USP6NL: variants seen among roughly 807,000 people sequenced by gnomAD.
The protein encoded by USP6NL is USP6 N-terminal like.
USP6NL carries 26 observed loss-of-function variants against 61.9 expected under a neutral mutation model. The ratio of observed to expected loss-of-function variants is 0.42; its 90% CI spans 0.31 to 0.58. USP6NL has a LOEUF of 0.58. Ranked by LOEUF, USP6NL falls within the 20% of genes least tolerant of loss-of-function variation. The pLI is 0.16. For synonymous variants in USP6NL, 432 were observed against 390.1 expected (o/e 1.11, Z -1.27); for missense variants, 1,114 against 1,034.3 (o/e 1.08, Z -1.06).
rs1046852389 is a variant in USP6NL, at chr10:11,585,026, T to G, written c.4+12605A>C. Among the ~76,000 whole-genome samples, 4 of 152,202 alleles carry G rather than the reference T, an allele frequency of 2.6e-5. No homozygotes were observed. Among genetic ancestry groups the G allele is most frequent in the Admixed American group, 2.6e-4 (4 of 15,278 alleles). Reference sequence around the variant, plus strand: ...TGCTTCATAATAAATTTTTGGAAGGTGCAAAAGGAGCATTCAAAGTTAAAA... The same window carrying G: ...TGCTTCATAATAAATTTTTGGAAGGGGCAAAAGGAGCATTCAAAGTTAAAA... On this transcript the variant is annotated intron_variant, in intron 2 of 14. Coordinates refer to ENST00000609104, the MANE Select transcript of USP6NL (RefSeq NM_014688.5). This position sits in a 1 kb window ranked among gnomAD's most constrained non-coding sequence, Gnocchi z 4.5.
In USP6NL at chr10:11,520,010, A is replaced by G. The variant is rs1835141858; in HGVS notation, c.156-1436T>C. 1.3e-5 allele frequency among the ~76,000 whole-genome samples: 2 copies of G among 152,204 alleles called. No individual in the cohort carries two copies. Among genetic ancestry groups the G allele is most frequent in the African/African-American group, 2.4e-5 (1 of 41,438 alleles). On this transcript the variant is annotated intron_variant, in intron 4 of 14. Transcript: ENST00000609104. This position sits in a 1 kb window ranked among gnomAD's most constrained non-coding sequence, Gnocchi z 5.2. ...TCTACTCTGAGGAGTCCTTAGGTGA[A>G]CAATTACTACAGCCACAAAACTAAC...
chr10:11,559,004 A>G lies in USP6NL; in HGVS notation c.5-31437T>C, dbSNP rs561376137. On this transcript the variant is annotated intron_variant, in intron 2 of 14. Transcript: ENST00000609104. ...AAAAGCAATATAAGCCACTAAGTCG[A>G]GTTTGGTTACAGACTTCTATAGTCA... 5.3e-5 allele frequency among the ~76,000 whole-genome samples: 8 copies of G among 152,326 alleles called. No homozygotes were observed. In the South Asian group the frequency reaches 1.7e-3, roughly 32 times the overall value.
chr10:11,525,127 T>G lies in USP6NL; in HGVS notation c.155+259A>C, dbSNP rs1252809406. ...CAAATTATCCATTTGCATTTAACTC[T>G]GTTGATTTATTAATATAACTCACCT... On this transcript the variant is annotated intron_variant, in intron 4 of 14. Transcript: ENST00000609104. The surrounding 1 kb of genome is among the most constrained non-coding windows in gnomAD (Gnocchi z 5.0). Among the ~76,000 whole-genome samples, 1 of 152,250 alleles carries G rather than the reference T, an allele frequency of 6.6e-6. No homozygotes were observed. Among genetic ancestry groups the G allele is most frequent in the Non-Finnish European group, 1.5e-5 (1 of 68,030 alleles).
intron 14 of USP6NL, among the ~76,000 whole-genome samples, chr10:11,466,627 C>CTA (rs770400456): frequency 4.2e-4 from 64 of 152,198 alleles, no homozygotes; most frequent in Non-Finnish European, 7.8e-4. Flanking sequence ...TGCTATTACT[C>CTA]TATACAGTCA....
intron 2 of USP6NL, among the ~76,000 whole-genome samples, chr10:11,566,733 G>C (rs1041070996): frequency 2.1e-4 from 32 of 152,204 alleles, no homozygotes; most frequent in African/African-American, 7.0e-4. Context: ...ACCACATGTG[G>C]CTACTGGCTA....
chr10:11,491,701 C>T lies in USP6NL; in HGVS notation c.495-821G>A, dbSNP rs755156027. On this transcript the variant is annotated intron_variant, in intron 8 of 14. Coordinates refer to ENST00000609104, the MANE Select transcript of USP6NL (RefSeq NM_014688.5). This position sits in a 1 kb window ranked among gnomAD's most constrained non-coding sequence, Gnocchi z 4.7. ...ATGCAGGAGAACACTTGGGGCATCT[C>T]TTACTAGTATCACTGAGCCCTGTGA... 6.6e-6 allele frequency among the ~76,000 whole-genome samples: 1 copy of T among 152,198 alleles called. No homozygotes were observed. Among genetic ancestry groups the T allele is most frequent in the Non-Finnish European group, 1.5e-5 (1 of 68,034 alleles).
chr10:11,519,739 A>G (rs906548605), intron 4 of USP6NL, among the ~76,000 whole-genome samples: 1 of 152,232 alleles, frequency 6.6e-6, no homozygotes, highest in Non-Finnish European at 1.5e-5. Context: ...CTGACACAGT[A>G]TATTTGTGAT....
rs370031118 is a variant in USP6NL at position 11,571,160 on chromosome 10, C to G, written c.4+26471G>C. On this transcript the variant is annotated intron_variant, in intron 2 of 14. Transcript: ENST00000609104. ...GTGCAATGGCGCAATCTCAGCTCACCGCAACCTCTGCCTCCCGGGTTCAAG... is the reference window on the plus strand; with the variant it reads ...GTGCAATGGCGCAATCTCAGCTCACGGCAACCTCTGCCTCCCGGGTTCAAG... Among the ~76,000 whole-genome samples, 33 of 151,902 alleles carry G rather than the reference C, an allele frequency of 2.2e-4. 1 individual carries two copies. In the East Asian group the frequency reaches 5.8e-3, roughly 27 times the overall value.
In USP6NL at chr10:11,595,860, A is replaced by T. The variant is rs1838310940; in HGVS notation, c.4+1771T>A. Reference sequence around the variant, plus strand: ...TAACAGAACCAATTGTTTTAAGTGGACATGAAAAAGAATTAGTGGATTAGT... The same window carrying T: ...TAACAGAACCAATTGTTTTAAGTGGTCATGAAAAAGAATTAGTGGATTAGT... On this transcript the variant is annotated intron_variant, in intron 2 of 14. Coordinates refer to ENST00000609104, the MANE Select transcript of USP6NL (RefSeq NM_014688.5). This position sits in a 1 kb window ranked among gnomAD's most constrained non-coding sequence, Gnocchi z 5.3. Among the ~76,000 whole-genome samples, 2 of 152,244 alleles carry T rather than the reference A, an allele frequency of 1.3e-5. No homozygotes were observed. The highest frequency in any genetic ancestry group is 2.9e-5 in the Non-Finnish European group (2 of 68,046).
chr10:11,594,750 T>C (rs143063106), intron 2 of USP6NL, among the ~76,000 whole-genome samples: 4 of 152,170 alleles, frequency 2.6e-5, no homozygotes, highest in Non-Finnish European at 5.9e-5. Flanking sequence ...AAACACAGAA[T>C]AGCTCCTGCA....
At chr10:11,526,854 T>C (rs961778521) in intron 3 of USP6NL, among the ~76,000 whole-genome samples, 4 of 152,288 alleles carry the variant, frequency 2.6e-5, no homozygotes, top group Admixed American at 2.0e-4. Flanking sequence ...ACAGATTCCA[T>C]ACCAACATAA....
At position 11,463,761 on chromosome 10, in the gene USP6NL, C is replaced by T; in HGVS notation, c.1167G>A (p.Gln389=). 6.4e-7 allele frequency: 1 copy of T among 1,565,904 alleles called. No individual in the cohort carries two copies. Among genetic ancestry groups the T allele is most frequent in the Non-Finnish European group, 8.7e-7 (1 of 1,155,742 alleles). The change falls in exon 15 of 15, where the codon CAG becomes CAA. Residue 389 remains glutamine, a synonymous_variant. Coordinates refer to ENST00000609104, the MANE Select transcript of USP6NL (RefSeq NM_014688.5). The surrounding 1 kb of genome is among the most constrained non-coding windows in gnomAD (Gnocchi z 6.3). Reference sequence around the variant, plus strand: ...GCGGGCTCGGCCGGCCCACGCTCCTCTGTCCGTTGCTCAAGTGATGGACGC... The same window carrying T: ...GCGGGCTCGGCCGGCCCACGCTCCTTTGTCCGTTGCTCAAGTGATGGACGC... ...SWGVHHLSNG[Q]RSVGRPSPLA...
intron 1 of USP6NL, among the ~76,000 whole-genome samples, chr10:11,606,158 A>C (rs1480025418): frequency 6.6e-6 from 1 of 152,210 alleles, no homozygotes; most frequent in Non-Finnish European, 1.5e-5. Flanking sequence ...ATTAGCAACA[A>C]AGAAGGAATA....
rs1297464615 is a variant in USP6NL, at chr10:11,611,492, G to C, written c.-133C>G. Reference sequence around the variant, plus strand: ...CTGTGGGCAGCGGACAGAGCTGGCGGTCCCGGGCGGCCGAGCAGATCCGGC... The same window carrying C: ...CTGTGGGCAGCGGACAGAGCTGGCGCTCCCGGGCGGCCGAGCAGATCCGGC... On this transcript the variant is annotated 5_prime_UTR_variant, in exon 1 of 15. Transcript: ENST00000609104. This position sits in a 1 kb window ranked among gnomAD's most constrained non-coding sequence, Gnocchi z 5.3. 1.3e-5 allele frequency: 2 copies of C among 159,936 alleles called. No homozygotes were observed. Among genetic ancestry groups the C allele is most frequent in the African/African-American group, 4.8e-5 (2 of 41,444 alleles). The allele number at this position is 159,936 out of a possible 1,614,324, so 9.9% of individuals were successfully genotyped here. A position where few individuals can be genotyped will look rare whatever the true frequency, so the allele number is the denominator to read the frequency against.
rs1182070964 is a variant in USP6NL at position 11,511,018 on chromosome 10, A to G, written c.196-1343T>C. ...TCAAACAGGCAGACATTATGCTGGC[A>G]GATGGCATATATGCCTCACCACCAC... On this transcript the variant is annotated intron_variant, in intron 5 of 14. Transcript: ENST00000609104. The surrounding 1 kb of genome is among the most constrained non-coding windows in gnomAD (Gnocchi z 4.9). Among the ~76,000 whole-genome samples the G allele has an allele frequency of 6.6e-6, 1 of 152,254 alleles. No individual in the cohort carries two copies. Among genetic ancestry groups the G allele is most frequent in the East Asian group, 1.9e-4 (1 of 5,200 alleles).
chr10:11,550,702 A>G (rs1349437669), intron 2 of USP6NL, among the ~76,000 whole-genome samples: 1 of 152,180 alleles, frequency 6.6e-6, no homozygotes, highest in African/African-American at 2.4e-5. Context: ...GGCTGCAGTG[A>G]GCTGAGATCG....
Position 11,485,436 on chromosome 10 carries a change from G to C in USP6NL, c.760-202C>G, listed in dbSNP as rs1016440987. 1.3e-5 allele frequency among the ~76,000 whole-genome samples: 2 copies of C among 152,030 alleles called. No homozygotes were observed. Among genetic ancestry groups the C allele is most frequent in the Non-Finnish European group, 2.9e-5 (2 of 67,970 alleles). ...ATATATTTTACAGTGAGCTTTCTTT[G>C]TTTTACTAAACTACTGTGTTTTATA... On this transcript the variant is annotated intron_variant, in intron 11 of 14. Coordinates refer to ENST00000609104, the MANE Select transcript of USP6NL (RefSeq NM_014688.5). This position sits in a 1 kb window ranked among gnomAD's most constrained non-coding sequence, Gnocchi z 4.8.
Position 11,553,209 on chromosome 10 carries a change from T to C in USP6NL, c.5-25642A>G, listed in dbSNP as rs1391891840. Among the ~76,000 whole-genome samples, 1 of 152,228 alleles carries C rather than the reference T, an allele frequency of 6.6e-6. No homozygotes were observed. The highest frequency in any genetic ancestry group is 1.5e-5 in the Non-Finnish European group (1 of 68,036). On this transcript the variant is annotated intron_variant, in intron 2 of 14. Transcript: ENST00000609104. This position sits in a 1 kb window ranked among gnomAD's most constrained non-coding sequence, Gnocchi z 4.8. Reference sequence around the variant, plus strand: ...CCACAACCATATTTTGGCTACTGAATTGTTGAATGCAAAGAAAAAGCTGTT... The same window carrying C: ...CCACAACCATATTTTGGCTACTGAACTGTTGAATGCAAAGAAAAAGCTGTT...
chr10:11,550,822 TA>T (rs1836453190), intron 2 of USP6NL, among the ~76,000 whole-genome samples: 2 of 147,742 alleles, frequency 1.4e-5, no homozygotes, highest in African/African-American at 5.0e-5. Flanking sequence ...GAGATTTGAA[TA>T]GACACTTCAC....
Sources: allele counts gnomAD v4.1 joint callset (sites outside exome capture counted in the v4.1 genomes callset), GRCh38; gene constraint gnomAD v4.1.1; non-coding constraint Gnocchi (gnomAD v3.1); transcripts MANE v1.5; gene names NCBI Gene and HGNC (gene_info 2026-07-23, HGNC 2026-07-21).